RNF144B: variants seen among roughly 807,000 people sequenced by gnomAD.
The protein encoded by RNF144B is ring finger protein 144B, also known as E3 ubiquitin-protein ligase RNF144B.
RNF144B carries 25 observed loss-of-function variants against 40.2 expected under a neutral mutation model. That is an observed-to-expected ratio of 0.62 (90% confidence interval 0.45 to 0.87). The LOEUF is 0.87. Ranked by LOEUF, RNF144B falls within the 40% of genes least tolerant of loss-of-function variation. The probability of loss-of-function intolerance (pLI) is 0.00; values close to 1 mark genes in which losing one functional copy is unlikely to be tolerated. For missense variants in RNF144B, 365 were observed against 373.7 expected (o/e 0.98, Z 0.19); for synonymous variants, 145 against 136.3 (o/e 1.06, Z -0.44).
chr6:18,415,761 T>A (rs149036987), intron 2 of RNF144B, among the ~76,000 whole-genome samples: 216 of 152,242 alleles, frequency 1.4e-3, no homozygotes, highest in Middle Eastern at 0.01. Flanking sequence ...TTGGGTTGAA[T>A]GGTTATATTT....
intron 2 of RNF144B, among the ~76,000 whole-genome samples, chr6:18,421,582 A>G (rs74497530): frequency 6.6e-6 from 1 of 152,226 alleles, no homozygotes; most frequent in East Asian, 1.9e-4. Flanking sequence ...GTGGCAAAGC[A>G]GGGTGGCACC....
At chr6:18,461,757 G>A (rs1427094810) in intron 6 of RNF144B, among the ~76,000 whole-genome samples, 7 of 152,120 alleles carry the variant, frequency 4.6e-5, no homozygotes, top group African/African-American at 1.4e-4. Flanking sequence ...TTTTCTCTAC[G>A]CAAGTGGAGT....
At chr6:18,409,241 A>C (rs891071077) in intron 2 of RNF144B, among the ~76,000 whole-genome samples, 1 of 151,652 alleles carries the variant, frequency 6.6e-6, no homozygotes, top group Non-Finnish European at 1.5e-5. Context: ...TGCCAGGCAC[A>C]GTGGCGCACA....
At position 18,405,018 on chromosome 6, in the gene RNF144B, C is replaced by T. The variant is rs1014684199; in HGVS notation, c.165+5319C>T. ...CAACCTTTCCCAAAGCTTTCAAATT[C>T]TCCAGCTCCAGATTCCCACGTCTTC... On this transcript the variant is annotated intron_variant, in intron 2 of 7. Coordinates refer to ENST00000259939, the MANE Select transcript of RNF144B (RefSeq NM_182757.4). The surrounding 1 kb of genome is among the most constrained non-coding windows in gnomAD (Gnocchi z 4.5). Among the ~76,000 whole-genome samples, 3 of 152,114 alleles carry T rather than the reference C, an allele frequency of 2.0e-5. No individual in the cohort carries two copies. The highest frequency in any genetic ancestry group is 7.2e-5 in the African/African-American group (3 of 41,428).
At chr6:18,397,123 C>T (rs1016197790) in intron 1 of RNF144B, among the ~76,000 whole-genome samples, 3 of 152,202 alleles carry the variant, frequency 2.0e-5, no homozygotes, top group African/African-American at 7.2e-5. Context: ...TCAGGTTGCT[C>T]GAGTTAGTAA....
chr6:18,453,353 G>A (rs1300548860), intron 4 of RNF144B, among the ~76,000 whole-genome samples: 4 of 151,746 alleles, frequency 2.6e-5, no homozygotes, highest in African/African-American at 7.3e-5. Context: ...TGGCCAGGCT[G>A]ATCTCGAACT....
intron 1 of RNF144B, among the ~76,000 whole-genome samples, chr6:18,391,873 A>G (rs755017188): frequency 6.7e-5 from 10 of 149,136 alleles, no homozygotes; most frequent in Non-Finnish European, 1.3e-4. Flanking sequence ...ATCTCAAAAA[A>G]AAAGGAGCAG....
rs1759113084 is a variant in RNF144B at position 18,447,674 on chromosome 6, G to A, written c.331+7930G>A. Among the ~76,000 whole-genome samples the A allele has an allele frequency of 6.6e-6, 1 of 152,164 alleles. No homozygotes were observed. The highest frequency in any genetic ancestry group is 2.4e-5 in the African/African-American group (1 of 41,432). ...CCCAGATTTGGAGTCTGTTTTCAAGGTGGAACTGTCAGGATTTCCTGGTAG... is the reference window on the plus strand; with the variant it reads ...CCCAGATTTGGAGTCTGTTTTCAAGATGGAACTGTCAGGATTTCCTGGTAG... On this transcript the variant is annotated intron_variant, in intron 4 of 7. Transcript: ENST00000259939. The surrounding 1 kb of genome is among the most constrained non-coding windows in gnomAD (Gnocchi z 5.6).
chr6:18,421,266 T>C (rs1322252631), intron 2 of RNF144B, among the ~76,000 whole-genome samples: 1 of 133,542 alleles, frequency 7.5e-6, no homozygotes, highest in African/African-American at 3.1e-5. Context: ...AAAAAAATTA[T>C]ATATTATACA....
At chr6:18,413,321 A>G (rs1795084111) in intron 2 of RNF144B, among the ~76,000 whole-genome samples, 1 of 152,252 alleles carries the variant, frequency 6.6e-6, no homozygotes, top group South Asian at 2.1e-4. Flanking sequence ...ACAACTGGCT[A>G]CTGATTTTAT....
chr6:18,455,705 A>T (rs999381872), intron 4 of RNF144B, among the ~76,000 whole-genome samples: 1 of 152,140 alleles, frequency 6.6e-6, no homozygotes, highest in Non-Finnish European at 1.5e-5. Flanking sequence ...TGGAAAGAAC[A>T]TGGGGTCTGC....
chr6:18,387,762 C>G (rs995653982), intron 1 of RNF144B, 132 bp downstream of exon 1: 2 of 587,032 alleles, frequency 3.4e-6, no homozygotes, highest in African/African-American at 3.9e-5. Context: ...GTGCTCAAAC[C>G]ATACAGAACT....
rs918448770 is a variant in RNF144B at position 18,442,833 on chromosome 6, T to A, written c.331+3089T>A. Reference sequence around the variant, plus strand: ...TTTGTCTTATTTTACTTAATATATGTTTTTCAAAGTTCCATTCCTGTAGTA... The same window carrying A: ...TTTGTCTTATTTTACTTAATATATGATTTTCAAAGTTCCATTCCTGTAGTA... On this transcript the variant is annotated intron_variant, in intron 4 of 7. Coordinates refer to ENST00000259939, the MANE Select transcript of RNF144B (RefSeq NM_182757.4). The surrounding 1 kb of genome is among the most constrained non-coding windows in gnomAD (Gnocchi z 4.3). Among the ~76,000 whole-genome samples the A allele has an allele frequency of 6.6e-6, 1 of 152,188 alleles. No individual in the cohort carries two copies. The highest frequency in any genetic ancestry group is 2.4e-5 in the African/African-American group (1 of 41,442).
At chr6:18,440,811 A>ATTT (rs1458155116) in intron 4 of RNF144B, among the ~76,000 whole-genome samples, 26,957 of 140,094 alleles carry the variant, frequency 0.19, 2,990 homozygotes, top group East Asian at 0.43. Flanking sequence ...TTTTTTTTTA[A>ATTT]AAATCCAGCA....
rs756143508 is a variant in RNF144B, at chr6:18,402,014, G to C, written c.165+2315G>C. ...GAGGGAGGCATATCTCATGTGACTG[G>C]GAGAAGCCAATCATCATGCTTATGA... On this transcript the variant is annotated intron_variant, in intron 2 of 7. Coordinates refer to ENST00000259939, the MANE Select transcript of RNF144B (RefSeq NM_182757.4). 2.3e-5 allele frequency: 2 copies of C among 87,998 alleles called. 1 individual carries two copies. Among genetic ancestry groups the C allele is most frequent in the Non-Finnish European group, 5.4e-5 (2 of 37,350 alleles). The allele number at this position is 87,998 out of a possible 1,614,324, so 5.5% of individuals were successfully genotyped here. A position where few individuals can be genotyped will look rare whatever the true frequency, so the allele number is the denominator to read the frequency against.
At position 18,464,824 on chromosome 6, in the gene RNF144B, G is replaced by A. The variant is rs1221516216; in HGVS notation, c.772-103G>A. On this transcript the variant is annotated intron_variant, in intron 7 of 7. Transcript: ENST00000259939. The surrounding 1 kb of genome is among the most constrained non-coding windows in gnomAD (Gnocchi z 6.1). ...AGGGTTTCAACATATGAGCTTCAGG[G>A]GGACACAAACATTTGGCCCACAGCA... is the stretch of plus-strand genomic sequence containing the variant. 9.0e-7 allele frequency: 1 copy of A among 1,116,228 alleles called. No individual in the cohort carries two copies. Among genetic ancestry groups the A allele is most frequent in the Non-Finnish European group, 1.3e-6 (1 of 761,604 alleles). 69.1% of individuals were successfully genotyped at this position (1,116,228 alleles called of 1,614,324 possible). A position where few individuals can be genotyped will look rare whatever the true frequency, so the allele number is the denominator to read the frequency against.
intron 1 of RNF144B, chr6:18,396,921 A>G (rs1230389675): frequency 1.6e-6 from 1 of 634,134 alleles, no homozygotes; most frequent in East Asian, 1.4e-4. Context: ...TTTGAATTTA[A>G]TTTGCTCTTG....
In RNF144B at chr6:18,467,701, C is replaced by G. The variant is rs1353037996; in HGVS notation, c.*2634C>G. 1.3e-5 allele frequency: 2 copies of G among 151,332 alleles called. No individual in the cohort carries two copies. Among genetic ancestry groups the G allele is most frequent in the East Asian group, 1.9e-4 (1 of 5,140 alleles). 9.4% of individuals were successfully genotyped at this position (151,332 alleles called of 1,614,324 possible). On this transcript the variant is annotated 3_prime_UTR_variant, in exon 8 of 8. Transcript: ENST00000259939. ...TGTCACCCAGGCCGGAGTGCAGTGG[C>G]ATGATCATGGTTCACTTCAACCCCT...
At chr6:18,440,086 C>T (rs1758925385) in intron 4 of RNF144B, among the ~76,000 whole-genome samples, 1 of 152,120 alleles carries the variant, frequency 6.6e-6, no homozygotes, top group South Asian at 2.1e-4. Flanking sequence ...ATTTTCGATT[C>T]TTGAAGATCA....
Sources: allele counts gnomAD v4.1 joint callset (sites outside exome capture counted in the v4.1 genomes callset), GRCh38; gene constraint gnomAD v4.1.1; non-coding constraint Gnocchi (gnomAD v3.1); transcripts MANE v1.5; gene names NCBI Gene and HGNC (gene_info 2026-07-23, HGNC 2026-07-21).